RFTN1: variants seen among roughly 807,000 people sequenced by gnomAD.
RFTN1 encodes raftlin, lipid raft linker 1.
RFTN1 carries 26 observed loss-of-function variants against 46.5 expected under a neutral mutation model. The ratio of observed to expected loss-of-function variants is 0.56; its 90% CI spans 0.41 to 0.78. RFTN1 has a LOEUF of 0.78. Among genes scored for constraint, RFTN1 ranks in the 30% least tolerant of loss-of-function variants. The pLI is 0.00. For missense variants in RFTN1, 693 were observed against 718.7 expected, an observed-to-expected ratio of 0.96 and a Z score of 0.41; for synonymous variants, 261 against 284.2, an observed-to-expected ratio of 0.92 and a Z score of 0.82.
chr3:16,370,701 A>G lies in RFTN1; in HGVS notation c.827-422T>C, dbSNP rs1170198987. On this transcript the variant is annotated intron_variant, in intron 5 of 9. Coordinates refer to ENST00000334133, the MANE Select transcript of RFTN1 (RefSeq NM_015150.2). This position sits in a 1 kb window ranked among gnomAD's most constrained non-coding sequence, Gnocchi z 5.5. ...TGTACAGAGACACATAAAAACAAAAATACTGCTCTAATTCCAGGAACCTTG... is the reference window on the plus strand; with the variant it reads ...TGTACAGAGACACATAAAAACAAAAGTACTGCTCTAATTCCAGGAACCTTG... Among the ~76,000 whole-genome samples the G allele has an allele frequency of 2.0e-5, 3 of 152,242 alleles. No individual in the cohort carries two copies. Among genetic ancestry groups the G allele is most frequent in the Admixed American group, 6.5e-5 (1 of 15,288 alleles).
In RFTN1 at chr3:16,334,472, G is replaced by T. The variant is rs939401316; in HGVS notation, c.1147-7596C>A. ...AGAGTTATTCACTGGAGAGCGGTCT[G>T]CAGTAGCAAGACACTGGAAACTACT... is the stretch of plus-strand genomic sequence containing the variant. On this transcript the variant is annotated intron_variant, in intron 7 of 9. Coordinates refer to ENST00000334133, the MANE Select transcript of RFTN1 (RefSeq NM_015150.2). This position sits in a 1 kb window ranked among gnomAD's most constrained non-coding sequence, Gnocchi z 4.3. Among the ~76,000 whole-genome samples, 3 of 152,222 alleles carry T rather than the reference G, an allele frequency of 2.0e-5. No individual in the cohort carries two copies. The highest frequency in any genetic ancestry group is 7.2e-5 in the African/African-American group (3 of 41,460).
rs2075733088 is a variant in RFTN1 at position 16,446,557 on chromosome 3, A to T, written c.146-12520T>A. Among the ~76,000 whole-genome samples, 1 of 152,166 alleles carries T rather than the reference A, an allele frequency of 6.6e-6. No individual in the cohort carries two copies. The highest frequency in any genetic ancestry group is 1.5e-5 in the Non-Finnish European group (1 of 68,034). Reference sequence around the variant, plus strand: ...GGAAGAAAAAAGCTGCTGAGTTGGGATAATTCAAAAACATGCCACTGGGAA... The same window carrying T: ...GGAAGAAAAAAGCTGCTGAGTTGGGTTAATTCAAAAACATGCCACTGGGAA... On this transcript the variant is annotated intron_variant, in intron 2 of 9. Transcript: ENST00000334133. This position sits in a 1 kb window ranked among gnomAD's most constrained non-coding sequence, Gnocchi z 4.5.
chr3:16,461,611 C>G lies in RFTN1; in HGVS notation c.146-27574G>C, dbSNP rs781428005. On this transcript the variant is annotated intron_variant, in intron 2 of 9. Transcript: ENST00000334133. ...CCTTTCAGCCAATTATACAATTACA[C>G]GATATGACCATGTTTACATTATCAA... is the stretch of plus-strand genomic sequence containing the variant. 2.0e-5 allele frequency among the ~76,000 whole-genome samples: 3 copies of G among 152,264 alleles called. No homozygotes were observed. In the East Asian group the frequency reaches 5.8e-4, roughly 29 times the overall value.
chr3:16,319,160 A>AT (rs1330185369), intron 9 of RFTN1, among the ~76,000 whole-genome samples: 2 of 152,192 alleles, frequency 1.3e-5, no homozygotes, highest in Non-Finnish European at 2.9e-5. Context: ...GTTCCAAAAC[A>AT]GTCAGAGCCT....
rs1454457099 is a variant in RFTN1 at position 16,428,311 on chromosome 3, C to G, written c.332+5540G>C. 6.6e-6 allele frequency among the ~76,000 whole-genome samples: 1 copy of G among 152,156 alleles called. No homozygotes were observed. Among genetic ancestry groups the G allele is most frequent in the Non-Finnish European group, 1.5e-5 (1 of 68,016 alleles). On this transcript the variant is annotated intron_variant, in intron 3 of 9. Coordinates refer to ENST00000334133, the MANE Select transcript of RFTN1 (RefSeq NM_015150.2). This position sits in a 1 kb window ranked among gnomAD's most constrained non-coding sequence, Gnocchi z 4.7. ...ATCCTAGGTGTGATTCCAATGAGTA[C>G]TCACTATAAACCCAAACCAGCTTAC...
intron 7 of RFTN1, among the ~76,000 whole-genome samples, chr3:16,343,353 T>TC (rs1406990262): frequency 1.3e-5 from 2 of 152,192 alleles, no homozygotes; most frequent in African/African-American, 4.8e-5. Context: ...ACCTAGTTTT[T>TC]CCCTTACAAT....
intron 2 of RFTN1, among the ~76,000 whole-genome samples, chr3:16,437,752 C>T (rs1328188750): frequency 6.6e-6 from 1 of 152,046 alleles, no homozygotes; most frequent in African/African-American, 2.4e-5. Context: ...CTGATCTTGT[C>T]TTTATTTATT....
In RFTN1 at chr3:16,404,357, TATAC is replaced by T. The variant is rs2074792508; in HGVS notation, c.441+5014_441+5017del. ...TATAATATATATAATATATAATATA[TATAC>T]ACAATATATAATATATATAATATAT... On this transcript the variant is annotated intron_variant, in intron 4 of 9. Transcript: ENST00000334133. Among the ~76,000 whole-genome samples the T allele has an allele frequency of 1.0e-4, 6 of 59,442 alleles. 2 individuals are homozygous for T. The highest frequency in any genetic ancestry group is 9.7e-4 in the Admixed American group (3 of 3,086). The allele number at this position is 59,442 out of a possible 152,430, so 39.0% of individuals were successfully genotyped here.
At position 16,424,687 on chromosome 3, in the gene RFTN1, T is replaced by C. The variant is rs1412300583; in HGVS notation, c.332+9164A>G. Among the ~76,000 whole-genome samples, 1 of 152,236 alleles carries C rather than the reference T, an allele frequency of 6.6e-6. No homozygotes were observed. Among genetic ancestry groups the C allele is most frequent in the Non-Finnish European group, 1.5e-5 (1 of 68,032 alleles). On this transcript the variant is annotated intron_variant, in intron 3 of 9. Coordinates refer to ENST00000334133, the MANE Select transcript of RFTN1 (RefSeq NM_015150.2). The surrounding 1 kb of genome is among the most constrained non-coding windows in gnomAD (Gnocchi z 4.7). ...TTTTCATATACTTATAGCATCTTTA[T>C]AGCATTTACCTCTTTGTAAATGGTT...
rs2071712557 is a variant in RFTN1, at chr3:16,346,280, A to G, written c.1146+11652T>C. The G allele has an allele frequency of 6.6e-6, 1 of 152,242 alleles. No homozygotes were observed. The highest frequency in any genetic ancestry group is 1.5e-5 in the Non-Finnish European group (1 of 68,036). The allele number at this position is 152,242 out of a possible 1,614,324, so 9.4% of individuals were successfully genotyped here. A position where few individuals can be genotyped will look rare whatever the true frequency, so the allele number is the denominator to read the frequency against. On this transcript the variant is annotated intron_variant, in intron 7 of 9. Coordinates refer to ENST00000334133, the MANE Select transcript of RFTN1 (RefSeq NM_015150.2). The surrounding 1 kb of genome is among the most constrained non-coding windows in gnomAD (Gnocchi z 4.4). The stretch of plus-strand genomic sequence containing the variant: ...GCTCTCACAGTGGCTGACACACAGT[A>G]GGAACTCAATATTTATTTGTTGGAT...
chr3:16,317,689 C>T lies in RFTN1; in HGVS notation c.1333-457G>A, dbSNP rs545317596. 6.6e-6 allele frequency among the ~76,000 whole-genome samples: 1 copy of T among 152,150 alleles called. No homozygotes were observed. Among genetic ancestry groups the T allele is most frequent in the Non-Finnish European group, 1.5e-5 (1 of 68,024 alleles). ...CTCTCACTAGGTCACCTGAGTAAGGCAGGGCCCAGAACATGGGGCAGACAC... is the reference window on the plus strand; with the variant it reads ...CTCTCACTAGGTCACCTGAGTAAGGTAGGGCCCAGAACATGGGGCAGACAC... On this transcript the variant is annotated intron_variant, in intron 9 of 9. Transcript: ENST00000334133. This position sits in a 1 kb window ranked among gnomAD's most constrained non-coding sequence, Gnocchi z 4.3.
intron 8 of RFTN1, 116 bp downstream of exon 8, chr3:16,326,657 A>C: frequency 1.3e-6 from 1 of 751,930 alleles, no homozygotes; most frequent in Non-Finnish European, 2.1e-6. Flanking sequence ...AGTTTACATA[A>C]CTACCAGCCT....
rs2075664076 is a variant in RFTN1, at chr3:16,443,158, A to G, written c.146-9121T>C. Among the ~76,000 whole-genome samples the G allele has an allele frequency of 6.6e-6, 1 of 152,238 alleles. No individual in the cohort carries two copies. Among genetic ancestry groups the G allele is most frequent in the Admixed American group, 6.5e-5 (1 of 15,286 alleles). On this transcript the variant is annotated intron_variant, in intron 2 of 9. Transcript: ENST00000334133. This position sits in a 1 kb window ranked among gnomAD's most constrained non-coding sequence, Gnocchi z 5.5. Reference sequence around the variant, plus strand: ...TTGATGAACCTCCATATTGTTTTCTATAATGGCTGTACTAGTTTACATTCC... The same window carrying G: ...TTGATGAACCTCCATATTGTTTTCTGTAATGGCTGTACTAGTTTACATTCC...
Position 16,481,200 on chromosome 3 carries a change from T to C in RFTN1, c.145+12525A>G, listed in dbSNP as rs1190890634. On this transcript the variant is annotated intron_variant, in intron 2 of 9. Coordinates refer to ENST00000334133, the MANE Select transcript of RFTN1 (RefSeq NM_015150.2). The surrounding 1 kb of genome is among the most constrained non-coding windows in gnomAD (Gnocchi z 5.1). ...CTTATTACTCCCATTAGTGAATATT[T>C]AACAATAACACTAACGCTAATAGCA... 6.6e-6 allele frequency among the ~76,000 whole-genome samples: 1 copy of C among 152,154 alleles called. No homozygotes were observed. Among genetic ancestry groups the C allele is most frequent in the South Asian group, 2.1e-4 (1 of 4,826 alleles).
In RFTN1 at chr3:16,473,551, C is replaced by T. The variant is rs1347294337; in HGVS notation, c.145+20174G>A. ...AAGGAGCTGGGACTACAGGCATGCACCGCCCTGCCTGGCTAATTTTTTTGT... is the reference window on the plus strand; with the variant it reads ...AAGGAGCTGGGACTACAGGCATGCATCGCCCTGCCTGGCTAATTTTTTTGT... On this transcript the variant is annotated intron_variant, in intron 2 of 9. Coordinates refer to ENST00000334133, the MANE Select transcript of RFTN1 (RefSeq NM_015150.2). This position sits in a 1 kb window ranked among gnomAD's most constrained non-coding sequence, Gnocchi z 5.3. Among the ~76,000 whole-genome samples, 3 of 151,992 alleles carry T rather than the reference C, an allele frequency of 2.0e-5. No individual in the cohort carries two copies. The highest frequency in any genetic ancestry group is 4.4e-5 in the Non-Finnish European group (3 of 67,962).
Position 16,443,764 on chromosome 3 carries a change from C to CACACAA in RFTN1, c.146-9728_146-9727insTTGTGT, listed in dbSNP as rs1157317466. Among the ~76,000 whole-genome samples, 1 of 151,970 alleles carries CACACAA rather than the reference C, an allele frequency of 6.6e-6. No individual in the cohort carries two copies. Among genetic ancestry groups the CACACAA allele is most frequent in the Non-Finnish European group, 1.5e-5 (1 of 67,998 alleles). On this transcript the variant is annotated intron_variant, in intron 2 of 9. Coordinates refer to ENST00000334133, the MANE Select transcript of RFTN1 (RefSeq NM_015150.2). The surrounding 1 kb of genome is among the most constrained non-coding windows in gnomAD (Gnocchi z 5.5). ...GAATTACACACAACACACACACACA[C>CACACAA]ACACACACACACACACACACCACTG...
Position 16,428,209 on chromosome 3 carries a change from C to T in RFTN1, c.332+5642G>A, listed in dbSNP as rs1002416174. 5.9e-5 allele frequency among the ~76,000 whole-genome samples: 9 copies of T among 152,134 alleles called. No individual in the cohort carries two copies. The highest frequency in any genetic ancestry group is 1.2e-4 in the Non-Finnish European group (8 of 68,018). On this transcript the variant is annotated intron_variant, in intron 3 of 9. Transcript: ENST00000334133. The surrounding 1 kb of genome is among the most constrained non-coding windows in gnomAD (Gnocchi z 4.7). ...AGGCAGATGTGCCCCAGAATGAACTCGAGAAGGGAGGCGTGGAGTTCCTGT... is the reference window on the plus strand; with the variant it reads ...AGGCAGATGTGCCCCAGAATGAACTTGAGAAGGGAGGCGTGGAGTTCCTGT...
At position 16,378,098 on chromosome 3, in the gene RFTN1, T is replaced by A. The variant is rs1184774409; in HGVS notation, c.446A>T (p.Gln149Leu). The change falls in exon 5 of 10, where the codon CAG (glutamine) becomes CTG (leucine). Residue 149 changes from glutamine to leucine, a missense_variant. By Grantham distance (113) the Gln-to-Leu change is moderately radical. Transcript: ENST00000334133. ...KLIPEFIKKI[Q>L]EAASQGLKFV... ...TTTCAGGCCCTGGCTTGCAGCCTCC[T>A]GGATCTGTGAGGCAAACAAAAGGAA... is the stretch of plus-strand genomic sequence containing the variant. 1.2e-6 allele frequency: 2 copies of A among 1,607,346 alleles called. No homozygotes were observed. The highest frequency in any genetic ancestry group is 1.7e-6 in the Non-Finnish European group (2 of 1,174,184).
intron 6 of RFTN1, among the ~76,000 whole-genome samples, chr3:16,364,759 T>C (rs2073050834): frequency 6.6e-6 from 1 of 152,248 alleles, no homozygotes; most frequent in South Asian, 2.1e-4. Context: ...GAGAAAATGG[T>C]CTTCAATTAC....
Sources: allele counts gnomAD v4.1 joint callset (sites outside exome capture counted in the v4.1 genomes callset), GRCh38; gene constraint gnomAD v4.1.1; non-coding constraint Gnocchi (gnomAD v3.1); transcripts MANE v1.5; gene names NCBI Gene and HGNC (gene_info 2026-07-23, HGNC 2026-07-21).